MEI4: variants seen among roughly 807,000 people sequenced by gnomAD.
MEI4 encodes the protein meiotic double-stranded break formation protein 4.
A neutral mutation model predicts 31.4 loss-of-function variants in MEI4; 27 were observed. That is an observed-to-expected ratio of 0.86 (90% CI 0.63 to 1.19). The LOEUF (loss-of-function observed/expected upper bound fraction) is 1.19. Among genes scored for constraint, MEI4 ranks in the 50% most tolerant of loss-of-function variants. The pLI, the probability that MEI4 is intolerant of heterozygous loss-of-function variation, is 0.00. For missense variants in MEI4, 329 were observed against 398.9 expected (o/e 0.82, Z 1.49); for synonymous variants, 122 against 145.4 (o/e 0.84, Z 1.16).
At chr6:77,822,106 C>G (rs150117689) in intron 3 of MEI4, among the ~76,000 whole-genome samples, 132 of 152,218 alleles carry the variant, frequency 8.7e-4, no homozygotes, top group African/African-American at 3.1e-3. Flanking sequence ...TTGAGGACCT[C>G]TCTTTCTTTC....
chr6:77,774,202 T>C (rs922874687), intron 3 of MEI4, among the ~76,000 whole-genome samples: 1 of 151,998 alleles, frequency 6.6e-6, no homozygotes, highest in East Asian at 1.9e-4. Flanking sequence ...CAAAGAGATA[T>C]CTGCACTCTC....
intron 3 of MEI4, among the ~76,000 whole-genome samples, chr6:77,810,872 C>G (rs1051207145): frequency 7.9e-5 from 12 of 152,048 alleles, no homozygotes; most frequent in Non-Finnish European, 1.6e-4. Context: ...CATGGTCTGT[C>G]TCCAAATTAA....
At chr6:77,912,922 C>G (rs1346797565) in intron 4 of MEI4, among the ~76,000 whole-genome samples, 1 of 152,128 alleles carries the variant, frequency 6.6e-6, no homozygotes, top group African/African-American at 2.4e-5. Flanking sequence ...TTTCTCCATT[C>G]AGTCTGATGT....
chr6:77,686,264 C>T (rs960136481), intron 1 of MEI4, among the ~76,000 whole-genome samples: 1 of 152,126 alleles, frequency 6.6e-6, no homozygotes, highest in Non-Finnish European at 1.5e-5. Context: ...GCAAAATGGA[C>T]TAGTGCATAT....
chr6:77,851,639 G>C (rs1293664361), intron 4 of MEI4, among the ~76,000 whole-genome samples: 1 of 115,598 alleles, frequency 8.7e-6, no homozygotes, highest in African/African-American at 3.2e-5. Context: ...GTTTTGGGGT[G>C]GGGGGAGGGG....
At chr6:77,855,900 G>A (rs1439089449) in intron 4 of MEI4, among the ~76,000 whole-genome samples, 1 of 152,084 alleles carries the variant, frequency 6.6e-6, no homozygotes, top group Admixed American at 6.6e-5. Flanking sequence ...TTGAGGCCAT[G>A]ATATGCGAGT....
intron 3 of MEI4, among the ~76,000 whole-genome samples, chr6:77,782,448 A>G (rs1014598590): frequency 6.6e-5 from 10 of 152,160 alleles, no homozygotes; most frequent in Non-Finnish European, 1.5e-4. Context: ...ATAAATTTTC[A>G]TTTACTCAGT....
In MEI4 at chr6:77,911,777, T is replaced by C. The variant is rs180821244; in HGVS notation, c.901-11312T>C. Among the ~76,000 whole-genome samples, 396 of 150,296 alleles carry C rather than the reference T, an allele frequency of 2.6e-3. 2 individuals carry two copies. The highest frequency in any genetic ancestry group is 4.0e-3 in the Non-Finnish European group (270 of 67,626). ...ACATCTTCTTTATCCAGTCCACTGT[T>C]GATGGGCATCCAGGTTGACTCCATG... On this transcript the variant is annotated intron_variant, in intron 4 of 4. Transcript: ENST00000684080.
intron 2 of MEI4, among the ~76,000 whole-genome samples, chr6:77,706,732 A>G (rs1313534860): frequency 6.6e-6 from 1 of 152,018 alleles, no homozygotes; most frequent in Admixed American, 6.6e-5. Context: ...AGTTCATGTG[A>G]GCTCTGGTTG....
At chr6:77,910,926 T>C (rs975783748) in intron 4 of MEI4, among the ~76,000 whole-genome samples, 3 of 1,864 alleles carry the variant, frequency 1.6e-3, no homozygotes, top group African/African-American at 2.4e-3. Flanking sequence ...CAGCTTCTGG[T>C]TTTTTTTTTT....
chr6:77,792,550 T>C (rs544377022), intron 3 of MEI4, among the ~76,000 whole-genome samples: 6 of 152,280 alleles, frequency 3.9e-5, no homozygotes, highest in Admixed American at 6.5e-5. Context: ...AAAATATTGC[T>C]CGGACTATTG....
rs1770015979 is a variant in MEI4, at chr6:77,828,878, A to G, written c.769-53A>G. On this transcript the variant is annotated intron_variant, in intron 3 of 4. Coordinates refer to ENST00000684080, the MANE Select transcript of MEI4 (RefSeq NM_001322247.2). ...GCTCAGTAGTAAGGTCTTAGAAAAT[A>G]CATTTTGATTTGACGTGATGGAATA... is the stretch of plus-strand genomic sequence containing the variant. 3.3e-6 allele frequency: 4 copies of G among 1,214,132 alleles called. No homozygotes were observed. The East Asian group carries it at 1.3e-4, about 39-fold the overall frequency. The allele number at this position is 1,214,132 out of a possible 1,614,324, so 75.2% of individuals were successfully genotyped here. A position where few individuals can be genotyped will look rare whatever the true frequency, so the allele number is the denominator to read the frequency against.
At chr6:77,875,168 C>T (rs1323291004) in intron 4 of MEI4, among the ~76,000 whole-genome samples, 4 of 152,170 alleles carry the variant, frequency 2.6e-5, no homozygotes, top group Non-Finnish European at 4.4e-5. Flanking sequence ...ATGTCTCCAT[C>T]TCCTGTTTTG....
Position 77,802,587 on chromosome 6 carries a change from T to A in MEI4, c.769-26344T>A, listed in dbSNP as rs150433228. On this transcript the variant is annotated intron_variant, in intron 3 of 4. Coordinates refer to ENST00000684080, the MANE Select transcript of MEI4 (RefSeq NM_001322247.2). Reference sequence around the variant, plus strand: ...GCCTCAATGGTCTTTATAACTTGGCTTGTTTTTGCAGTGGCTGGCACCAGT... The same window carrying A: ...GCCTCAATGGTCTTTATAACTTGGCATGTTTTTGCAGTGGCTGGCACCAGT... Among the ~76,000 whole-genome samples the A allele has an allele frequency of 1.4e-3, 213 of 152,290 alleles. 1 individual carries two copies. Among genetic ancestry groups the A allele is most frequent in the African/African-American group, 4.5e-3 (187 of 41,560 alleles).
At chr6:77,822,642 C>T (rs1426889106) in intron 3 of MEI4, among the ~76,000 whole-genome samples, 4 of 132,080 alleles carry the variant, frequency 3.0e-5, no homozygotes, top group Admixed American at 2.4e-4. Context: ...TTTCTTGAGA[C>T]AGAGTCTCAC....
At chr6:77,730,185 A>C (rs942701362) in intron 2 of MEI4, among the ~76,000 whole-genome samples, 7 of 152,112 alleles carry the variant, frequency 4.6e-5, no homozygotes, top group African/African-American at 1.7e-4. Context: ...TACAGTGTAT[A>C]GGGGGCACTG....
At chr6:77,892,217 A>G (rs1196801863) in intron 4 of MEI4, among the ~76,000 whole-genome samples, 5 of 152,076 alleles carry the variant, frequency 3.3e-5, no homozygotes, top group Middle Eastern at 3.2e-3. Flanking sequence ...ACTCCCCATG[A>G]TGGTGCTTGC....
At chr6:77,660,217 G>T (rs1171807629) in intron 1 of MEI4, among the ~76,000 whole-genome samples, 1 of 152,164 alleles carries the variant, frequency 6.6e-6, no homozygotes, top group Non-Finnish European at 1.5e-5. Context: ...GTGGCTAGGA[G>T]AGAATGGGTA....
At chr6:77,774,480 G>C (rs1175488351) in intron 3 of MEI4, among the ~76,000 whole-genome samples, 2 of 152,076 alleles carry the variant, frequency 1.3e-5, no homozygotes, top group Non-Finnish European at 2.9e-5. Context: ...TGAATCCATA[G>C]AGATAGAGAG....
Sources: gnomAD v4.1 joint callset for allele counts (sites outside exome capture counted in the v4.1 genomes callset) on GRCh38, gnomAD v4.1.1 for gene constraint, MANE v1.5 for transcripts, NCBI Gene and HGNC (gene_info 2026-07-23, HGNC 2026-07-21) for gene names.